CIT: variants seen among roughly 807,000 people sequenced by gnomAD.
The protein encoded by CIT is citron rho-interacting serine/threonine kinase.
A neutral mutation model predicts 272.7 loss-of-function variants in CIT; 79 were observed. That is an observed-to-expected ratio of 0.29 (90% confidence interval 0.24 to 0.35). The LOEUF is 0.35. Ranked by LOEUF, CIT falls within the 10% of genes least tolerant of loss-of-function variation. The pLI is 1.00. For missense variants in CIT, 1,909 were observed against 2,618.3 expected (o/e 0.73, Z 5.91); for synonymous variants, 948 against 995.6 (o/e 0.95, Z 0.90).
At chr12:119,758,773 A>T (rs1961366091) in intron 20 of CIT, 73 bp from the exon 21 acceptor site, 1 of 994,486 alleles carries the variant, frequency 1.0e-6, no homozygotes, top group African/African-American at 1.6e-5. Flanking sequence ...GCCAGGGTAA[A>T]AGTTTCATCT....
intron 3 of CIT, 66 bp from the exon 4 acceptor site, chr12:119,857,764 G>GAAA: frequency 7.9e-6 from 8 of 1,018,128 alleles, no homozygotes; most frequent in South Asian, 2.1e-5. Flanking sequence ...CTTTATGAAA[G>GAAA]AAAAAAAAAA....
chr12:119,772,901 C>T lies in CIT; in HGVS notation c.1951G>A (p.Ala651Thr). The change falls in exon 17 of 48, where the codon GCC (alanine) becomes ACC (threonine). Residue 651 changes from alanine (A) to threonine (T), a missense_variant. Ala to Thr is a moderately conservative substitution (Grantham distance 58). Transcript: ENST00000392521. ...AGCAGCTCGGTGGCCTCCGTGCTGG[C>T]TTTTACAGCCTAGGAAGAGAGAAGG... The part of the protein sequence containing the change: ...LQEKLEKAVK[A>T]STEATELLQN... The T allele has an allele frequency of 6.2e-7, 1 of 1,612,660 alleles. No homozygotes were observed. The highest frequency in any genetic ancestry group is 8.5e-7 in the Non-Finnish European group (1 of 1,179,582).
In CIT at chr12:119,845,106, C is replaced by T. The variant is rs151102025; in HGVS notation, c.516+5068G>A. Among the ~76,000 whole-genome samples, 427 of 151,800 alleles carry T rather than the reference C, an allele frequency of 2.8e-3. 1 individual carries two copies. The highest frequency in any genetic ancestry group is 9.7e-3 in the African/African-American group (402 of 41,322). ...CTGAACTCCAGCCTTGGCAACAGAG[C>T]GAGACTCTATCTCAAAAAAAATAAA... On this transcript the variant is annotated intron_variant, in intron 5 of 47. Coordinates refer to ENST00000392521, the MANE Select transcript of CIT (RefSeq NM_001206999.2).
At chr12:119,831,662 G>A (rs1001905014) in intron 7 of CIT, among the ~76,000 whole-genome samples, 2 of 152,202 alleles carry the variant, frequency 1.3e-5, no homozygotes, top group Non-Finnish European at 2.9e-5. Context: ...GAGGTCAGGA[G>A]ATCGAGACCA....
At position 119,836,284 on chromosome 12, in the gene CIT, TAAAAAAAAAAAAA is replaced by T. The variant is rs201559880; in HGVS notation, c.517-2069_517-2057del. Among the ~76,000 whole-genome samples, 16 of 42,262 alleles carry T rather than the reference TAAAAAAAAAAAAA, an allele frequency of 3.8e-4. 1 individual carries two copies. The highest frequency in any genetic ancestry group is 1.3e-3 in the African/African-American group (13 of 9,834). 27.7% of individuals were successfully genotyped at this position (42,262 alleles called of 152,430 possible). Reference sequence around the variant, plus strand: ...CCTGGCAACAGAGCGAGACTCCATCTAAAAAAAAAAAAAAAAAAAAAAAAAAAAAATTATGAAC... The same window carrying T: ...CCTGGCAACAGAGCGAGACTCCATCTAAAAAAAAAAAAAAAAATTATGAAC... On this transcript the variant is annotated intron_variant, in intron 5 of 47. Transcript: ENST00000392521.
Position 119,869,090 on chromosome 12 carries a change from T to A in CIT, c.208A>T (p.Ile70Phe). 6.2e-7 allele frequency: 1 copy of A among 1,612,518 alleles called. No homozygotes were observed. The highest frequency in any genetic ancestry group is 1.3e-5 in the African/African-American group (1 of 74,962). ...CGGACAAAGTTGCTCACGTGCTTAA[T>A]CTTCATCAGAGCAGGCTGACTGCAT... ...EECSQPALMKIKHVSNFVRKY... is the reference protein window; with the variant it reads ...EECSQPALMKFKHVSNFVRKY... Residue 70 changes from isoleucine (I) to phenylalanine (F), a missense_variant, in exon 3 of 48, where the codon ATT (isoleucine) becomes TTT (phenylalanine). Physicochemically the swap from Ile to Phe is conservative, Grantham distance 21. This residue lies in a region of CIT where 529 missense variants were observed against 549.6 expected (regional missense o/e 0.96). Transcript: ENST00000392521.
intron 24 of CIT, among the ~76,000 whole-genome samples, chr12:119,739,698 T>C (rs1958965447): frequency 6.6e-6 from 1 of 152,200 alleles, no homozygotes; most frequent in African/African-American, 2.4e-5. Context: ...TGTTTAGTAC[T>C]TTCTATGGAT....
chr12:119,839,063 C>T (rs1209474516), intron 5 of CIT, among the ~76,000 whole-genome samples: 1 of 152,270 alleles, frequency 6.6e-6, no homozygotes, highest in African/African-American at 2.4e-5. Flanking sequence ...AGAGACAGAC[C>T]CTTCTGATGG....
At chr12:119,714,364 G>A (rs779639891) in intron 32 of CIT, 30 bp from the exon 33 acceptor site, 2 of 1,612,350 alleles carry the variant, frequency 1.2e-6, no homozygotes, top group Admixed American at 1.7e-5. Flanking sequence ...AAAATCATTA[G>A]AGTACTGCAA....
chr12:119,702,773 A>G (rs1267685239), intron 41 of CIT, among the ~76,000 whole-genome samples: 2 of 152,148 alleles, frequency 1.3e-5, no homozygotes, highest in Non-Finnish European at 2.9e-5. Flanking sequence ...CACAGGAAAA[A>G]AAAATACAGG....
At chr12:119,829,183 C>T (rs1000244241) in intron 7 of CIT, among the ~76,000 whole-genome samples, 9 of 151,918 alleles carry the variant, frequency 5.9e-5, no homozygotes, top group African/African-American at 2.2e-4. Context: ...ACTAAAAATA[C>T]AAAAATTAGC....
intron 19 of CIT, among the ~76,000 whole-genome samples, chr12:119,762,819 G>A (rs1215026844): frequency 1.3e-5 from 2 of 151,962 alleles, no homozygotes; most frequent in African/African-American, 2.4e-5. Context: ...GGTGGAGATC[G>A]CTTGGGGACA....
intron 1 of CIT, among the ~76,000 whole-genome samples, chr12:119,876,610 G>A (rs1378774599): frequency 2.6e-5 from 4 of 152,222 alleles, no homozygotes; most frequent in Non-Finnish European, 5.9e-5. Context: ...CAATGGGGGT[G>A]AGATGGTGCA....
chr12:119,806,052 G>A (rs1465962178), intron 9 of CIT, among the ~76,000 whole-genome samples: 26 of 145,818 alleles, frequency 1.8e-4, no homozygotes, highest in South Asian at 6.4e-4. Context: ...CAAGAGAATC[G>A]CTTGAACCTG....
Position 119,804,031 on chromosome 12 carries a change from T to A in CIT, c.1112-642A>T. 2 of 350,498 alleles carry A rather than the reference T, an allele frequency of 5.7e-6. No homozygotes were observed. The highest frequency in any genetic ancestry group is 8.0e-6 in the Non-Finnish European group (2 of 250,430). The allele number at this position is 350,498 out of a possible 1,614,324, so 21.7% of individuals were successfully genotyped here. On this transcript the variant is annotated intron_variant, in intron 9 of 47. Transcript: ENST00000392521. The surrounding 1 kb of genome is among the most constrained non-coding windows in gnomAD (Gnocchi z 5.3). ...TCATTATGCATCTTCCCCAGCGCAA[T>A]CATGCCCATCAAATCCACTGCAGTT...
intron 3 of CIT, among the ~76,000 whole-genome samples, chr12:119,864,511 A>G (rs1172440030): frequency 1.3e-5 from 2 of 151,948 alleles, no homozygotes; most frequent in East Asian, 3.9e-4. Context: ...TACTTTTTGT[A>G]TTTTTTGTAT....
chr12:119,795,534 G>C (rs1025751974), intron 10 of CIT, among the ~76,000 whole-genome samples: 7 of 152,142 alleles, frequency 4.6e-5, no homozygotes, highest in African/African-American at 1.7e-4. Context: ...GTCTACATGA[G>C]AATGCTTGTC....
chr12:119,753,899 C>T (rs772781803), intron 22 of CIT, among the ~76,000 whole-genome samples: 5 of 152,148 alleles, frequency 3.3e-5, no homozygotes, highest in Admixed American at 1.3e-4. Context: ...CTGCGGGAGA[C>T]ATCCAAGTGG....
intron 5 of CIT, among the ~76,000 whole-genome samples, chr12:119,844,771 T>C (rs1969673029): frequency 6.6e-6 from 1 of 152,100 alleles, no homozygotes; most frequent in Non-Finnish European, 1.5e-5. Flanking sequence ...AAAAATGTCA[T>C]TGACCCAAGT....
Sources: gnomAD v4.1 joint callset for allele counts (sites outside exome capture counted in the v4.1 genomes callset) on GRCh38, gnomAD v4.1.1 for gene constraint, gnomAD v4.1.1 regional missense constraint, Gnocchi (gnomAD v3.1) non-coding constraint, MANE v1.5 for transcripts, NCBI Gene and HGNC (gene_info 2026-07-23, HGNC 2026-07-21) for gene names.